Variants in CLDN2 observed in about 807,000 individuals in gnomAD.
CLDN2 encodes claudin-2.
CLDN2 carries 1 observed loss-of-function variant against 8.2 expected under a neutral mutation model. The ratio of observed to expected loss-of-function variants is 0.12; its 90% confidence interval spans 0.04 to 0.58. The LOEUF is 0.58. Ranked by LOEUF, CLDN2 falls within the 20% of genes least tolerant of loss-of-function variation. The pLI is 0.90. For missense variants in CLDN2, 108 were observed against 172.9 expected (o/e 0.62, Z 2.11); for synonymous variants, 70 against 70.2 (o/e 1.00, Z 0.01).
chrX:106,926,823 ACAC>A (rs1240592235), intron 1 of CLDN2, among the ~76,000 whole-genome samples: 1 of 70,753 alleles, frequency 1.4e-5, no homozygotes, highest in Non-Finnish European at 2.6e-5. Flanking sequence ...ACACACACAC[ACAC>A]AACTAGCCAG....
intron 1 of CLDN2, among the ~76,000 whole-genome samples, chrX:106,927,333 C>T (rs1933483193): frequency 9.0e-6 from 1 of 111,327 alleles, no homozygotes; most frequent in Non-Finnish European, 1.9e-5. Flanking sequence ...CAGGGAATTT[C>T]AGGGCCCCCT....
At chrX:106,923,014 C>T (rs1255111694) in intron 1 of CLDN2, among the ~76,000 whole-genome samples, 2 of 100,484 alleles carry the variant, frequency 2.0e-5, no homozygotes, top group African/African-American at 7.5e-5. Flanking sequence ...TTTGCTCTAT[C>T]GCTCAGGCTG....
At chrX:106,910,505 C>T in intron 1 of CLDN2, among the ~76,000 whole-genome samples, 1 of 109,499 alleles carries the variant, frequency 9.1e-6, no homozygotes, top group East Asian at 2.9e-4. Flanking sequence ...GTCAGGAGTT[C>T]AAGACCCTCC....
chrX:106,930,382 A>G lies in CLDN2; in HGVS notation c.*1461A>G. 8.0e-6 allele frequency: 1 copy of G among 124,903 alleles called. No homozygotes were observed. 10.3% of individuals were successfully genotyped at this position (124,903 alleles called of 1,213,427 possible). On this transcript the variant is annotated 3_prime_UTR_variant, in exon 2 of 2. Transcript: ENST00000336803. ...AGTGGGAGTGAGGGGTCATACACCA[A>G]AGGTATTTTCCCTCACCAGTCTAGG...
intron 1 of CLDN2, among the ~76,000 whole-genome samples, chrX:106,904,787 G>A (rs1024251846): frequency 9.0e-6 from 1 of 111,684 alleles, no homozygotes; most frequent in Non-Finnish European, 1.9e-5. Context: ...GAAGAATGAG[G>A]GAAAAGTTAA....
intron 1 of CLDN2, among the ~76,000 whole-genome samples, chrX:106,911,743 C>T (rs151253403): frequency 0.017 from 1,935 of 112,366 alleles, 43 homozygotes; most frequent in African/African-American, 0.06. Flanking sequence ...TCGCTCCCAT[C>T]AGCACCTGGC....
intron 1 of CLDN2, among the ~76,000 whole-genome samples, chrX:106,924,357 G>C (rs892756003): frequency 9.0e-6 from 1 of 111,048 alleles, no homozygotes; most frequent in Non-Finnish European, 1.9e-5. Flanking sequence ...TTACCAGGGA[G>C]AAGTAGAAGG....
At chrX:106,912,408 C>CTTTTT (rs1158258640) in intron 1 of CLDN2, among the ~76,000 whole-genome samples, 8 of 68,009 alleles carry the variant, frequency 1.2e-4, no homozygotes, top group Admixed American at 1.6e-4. Context: ...TTATGGAACT[C>CTTTTT]TTTTTTTTTT....
At chrX:106,906,778 T>C (rs1322406092) in intron 1 of CLDN2, among the ~76,000 whole-genome samples, 1 of 111,272 alleles carries the variant, frequency 9.0e-6, no homozygotes, top group Admixed American at 9.5e-5. Context: ...ATGCTTCTTG[T>C]CTTCGGGAAA....
Position 106,928,251 on chromosome X carries a change from T to C in CLDN2, c.23T>C (p.Leu8Pro), listed in dbSNP as rs1165776868. ...GCCATGGCCTCTCTTGGCCTCCAAC[T>C]TGTGGGCTACATCCTAGGCCTTCTG... MASLGLQ[L>P]VGYILGLLGL... is the part of the protein sequence containing the mutation. The change falls in exon 2 of 2, where the codon CTT becomes CCT. Residue 8 changes from leucine to proline, a missense_variant. Leu to Pro is a moderately conservative substitution (Grantham distance 98). Coordinates refer to ENST00000336803, the MANE Select transcript of CLDN2 (RefSeq NM_020384.4). The C allele has an allele frequency of 8.3e-7, 1 of 1,209,628 alleles. No individual in the cohort carries two copies. The highest frequency in any genetic ancestry group is 1.1e-6 in the Non-Finnish European group (1 of 894,723).
intron 1 of CLDN2, chrX:106,901,018 G>A: frequency 1.9e-6 from 2 of 1,070,757 alleles, no homozygotes; most frequent in South Asian, 2.6e-5. Context: ...CTGCAACAAT[G>A]AGGTCAGAGG....
upstream of CLDN2, among the ~76,000 whole-genome samples, chrX:106,913,950 T>TTC (rs1933279730): frequency 1.3e-5 from 1 of 77,597 alleles, no homozygotes; most frequent in African/African-American, 8.5e-5. Flanking sequence ...CTAGAAAACT[T>TTC]TTTTTTTTTT....
chrX:106,906,111 TAAAAC>T (rs1933175695), intron 1 of CLDN2, among the ~76,000 whole-genome samples: 1 of 111,832 alleles, frequency 8.9e-6, no homozygotes, highest in African/African-American at 3.3e-5. Flanking sequence ...CCTTTTCACT[TAAAAC>T]AAAACAGGAG....
chrX:106,917,578 C>CT (rs757263650), upstream of CLDN2, among the ~76,000 whole-genome samples: 24 of 111,144 alleles, frequency 2.2e-4, no homozygotes, highest in Admixed American at 6.6e-4. Flanking sequence ...CCTACACCCT[C>CT]TTCCTTAGAG....
intron 1 of CLDN2, among the ~76,000 whole-genome samples, chrX:106,904,323 T>G (rs186318036): frequency 1.1e-3 from 126 of 112,976 alleles, no homozygotes; most frequent in African/African-American, 3.8e-3. Flanking sequence ...TAGTTACAAC[T>G]ACTGGCAGGG....
chrX:106,901,387 C>T (rs1753935560), intron 1 of CLDN2: 1 of 906,345 alleles, frequency 1.1e-6, no homozygotes, highest in Non-Finnish European at 1.6e-6. Flanking sequence ...AGCAATTCCT[C>T]CCCTCTCCTG....
chrX:106,921,036 C>T (rs764373127), intron 1 of CLDN2, among the ~76,000 whole-genome samples: 1 of 111,941 alleles, frequency 8.9e-6, no homozygotes, highest in Non-Finnish European at 1.9e-5. Context: ...CACTGGTCTG[C>T]AAGTCTGTCA....
rs182725533 is a variant in CLDN2, at chrX:106,900,797, G to A, written c.-179+293G>A. The A allele has an allele frequency of 2.1e-4, 259 of 1,209,018 alleles. No homozygotes were observed. In the Admixed American group the frequency reaches 2.7e-3, roughly 12 times the overall value. On this transcript the variant is annotated intron_variant, in intron 1 of 1. Coordinates refer to the CLDN2 transcript ENST00000541806. ...GCTCTTCATCTTCCTCTTCTTCTTC[G>A]CTGTCTGAGTCCTCGTATAGGTTGA... is the stretch of plus-strand genomic sequence containing the variant.
In CLDN2 at chrX:106,927,659, T is replaced by C. The variant is rs142870834; in HGVS notation, c.-178-392T>C. Among the ~76,000 whole-genome samples, 850 of 112,417 alleles carry C rather than the reference T, an allele frequency of 7.6e-3. 8 individuals carry two copies. Among genetic ancestry groups the C allele is most frequent in the African/African-American group, 0.026 (815 of 30,959 alleles). ...CCTCTAACAAACTGGAGTCCAAGAC[T>C]ACATTCTAGGATCTGTTCCTCCTGA... On this transcript the variant is annotated intron_variant, in intron 1 of 1. Transcript: ENST00000336803.
Sources: gnomAD v4.1 joint callset for allele counts (sites outside exome capture counted in the v4.1 genomes callset) on GRCh38, gnomAD v4.1.1 for gene constraint, MANE v1.5 for transcripts, NCBI Gene and HGNC (gene_info 2026-07-23, HGNC 2026-07-21) for gene names.